LTBP2: variants seen among roughly 807,000 people sequenced by gnomAD.
LTBP2 encodes the protein latent-transforming growth factor beta-binding protein 2.
LTBP2 carries 103 observed loss-of-function variants against 210.6 expected under a neutral mutation model. The observed-to-expected ratio is 0.49, with a 90% confidence interval of 0.42 to 0.58. The LOEUF is 0.58. Ranked by LOEUF, LTBP2 falls within the 20% of genes least tolerant of loss-of-function variation. The probability of loss-of-function intolerance (pLI) is 0.00; values close to 1 mark genes in which losing one functional copy is unlikely to be tolerated. For synonymous variants in LTBP2, 1,007 were observed against 1,015.0 expected (o/e 0.99, Z 0.15); for missense variants, 2,313 against 2,494.5 (o/e 0.93, Z 1.55).
At chr14:74,575,441 C>A (rs948695969) in intron 3 of LTBP2, among the ~76,000 whole-genome samples, 1 of 152,248 alleles carries the variant, frequency 6.6e-6, no homozygotes, top group African/African-American at 2.4e-5. Context: ...CTAGTATCAC[C>A]ACATACAGCT....
At chr14:74,506,875 G>A (rs1241592622) in intron 26 of LTBP2, 52 bp from the exon 27 acceptor site, 3 of 1,156,268 alleles carry the variant, frequency 2.6e-6, no homozygotes, top group Non-Finnish European at 3.5e-6. Flanking sequence ...GTGTGTGTGT[G>A]TGTGCGCGCG....
At position 74,504,031 on chromosome 14, in the gene LTBP2, C is replaced by T. The variant is rs755315066; in HGVS notation, c.4477G>A (p.Gly1493Arg). 7.4e-6 allele frequency: 12 copies of T among 1,613,998 alleles called. No homozygotes were observed. Among genetic ancestry groups the T allele is most frequent in the South Asian group, 1.1e-5 (1 of 91,076 alleles). Residue 1493 changes from glycine (G) to arginine (R), a missense_variant, in exon 31 of 36, where the codon GGG (glycine) becomes AGG (arginine). Gly to Arg is a moderately radical substitution (Grantham distance 125). Transcript: ENST00000261978. The part of the protein sequence containing the change: ...YTDADECVIF[G>R]PGLCPNGRCL... ...CGGCCGTTCGGGCAGAGACCAGGCC[C>T]GAATATCACACACTCATCCGCATCT...
chr14:74,558,251 C>T (rs1162932581), intron 3 of LTBP2, among the ~76,000 whole-genome samples: 3 of 152,118 alleles, frequency 2.0e-5, no homozygotes, highest in South Asian at 2.1e-4. Context: ...AAAAATTAGC[C>T]GGGCTTGGTG....
At chr14:74,512,764 T>A (rs2087088272) in intron 18 of LTBP2, among the ~76,000 whole-genome samples, 1 of 152,206 alleles carries the variant, frequency 6.6e-6, no homozygotes, top group South Asian at 2.1e-4. Flanking sequence ...ATAAGGCGCA[T>A]CTCTGGCAAG....
intron 3 of LTBP2, among the ~76,000 whole-genome samples, chr14:74,569,479 C>T (rs1028257238): frequency 3.9e-5 from 6 of 152,136 alleles, no homozygotes; most frequent in Non-Finnish European, 7.3e-5. Context: ...TGTGTACAGA[C>T]GTGCTGCTGG....
intron 3 of LTBP2, among the ~76,000 whole-genome samples, chr14:74,584,461 C>G (rs1360943019): frequency 6.6e-6 from 1 of 152,186 alleles, no homozygotes; most frequent in Non-Finnish European, 1.5e-5. Context: ...GGCCCTTGAA[C>G]TGGCACCTCT....
At chr14:74,576,339 G>C (rs1377671667) in intron 3 of LTBP2, among the ~76,000 whole-genome samples, 1 of 152,142 alleles carries the variant, frequency 6.6e-6, no homozygotes, top group African/African-American at 2.4e-5. Context: ...GCTATATCCT[G>C]GGCACCATTC....
chr14:74,533,983 C>T (rs1166407552), intron 9 of LTBP2, among the ~76,000 whole-genome samples: 4 of 151,920 alleles, frequency 2.6e-5, no homozygotes, highest in Non-Finnish European at 2.9e-5. Context: ...GGTCACCCAC[C>T]GGTTTGGGGA....
In LTBP2 at chr14:74,510,169, A is replaced by G. The variant is rs777966075; in HGVS notation, c.3073T>C (p.Cys1025Arg). The change falls in exon 20 of 36, where the codon TGC becomes CGC. Residue 1025 changes from cysteine to arginine, a missense_variant. This residue lies in a region of LTBP2 where 1,867 missense variants were observed against 1,976.9 expected (regional missense o/e 0.94). Transcript: ENST00000261978. The part of the protein sequence containing the change: ...LTPGVCAHGK[C>R]TNLEGSFRCS... ...CTGAAGGAGCCTTCTAGGTTGGTGC[A>G]CTTTCCATGGGCACAGACCCCGGGA... 1 of 1,614,050 alleles carries G rather than the reference A, an allele frequency of 6.2e-7. No individual in the cohort carries two copies. The highest frequency in any genetic ancestry group is 8.5e-7 in the Non-Finnish European group (1 of 1,180,014).
In LTBP2 at chr14:74,508,362, G is replaced by A. The variant is rs563205336; in HGVS notation, c.3652+242C>T. 1.4e-4 allele frequency among the ~76,000 whole-genome samples: 21 copies of A among 152,240 alleles called. No individual in the cohort carries two copies. The South Asian group carries it at 4.1e-3, about 30-fold the overall frequency. On this transcript the variant is annotated intron_variant, in intron 24 of 35. Coordinates refer to ENST00000261978, the MANE Select transcript of LTBP2 (RefSeq NM_000428.3). ...TGGGTGCATGCCTGCTGTCAACGTC[G>A]TGAAGAGGCCCTGGTGAGAGACTGA...
intron 8 of LTBP2, among the ~76,000 whole-genome samples, chr14:74,540,838 T>TATATA (rs376025514): frequency 1.7e-3 from 25 of 15,130 alleles, no homozygotes; most frequent in African/African-American, 2.7e-3. Context: ...ATAATATATA[T>TATATA]TTATATATAT....
intron 2 of LTBP2, among the ~76,000 whole-genome samples, chr14:74,594,800 C>G (rs2088335029): frequency 6.6e-6 from 1 of 152,224 alleles, no homozygotes; most frequent in African/African-American, 2.4e-5. Context: ...GGCTCACACC[C>G]ACACTCGGAA....
rs755508411 is a variant in LTBP2, at chr14:74,502,807, A to G, written c.5016T>C (p.Asp1672=). The stretch of plus-strand genomic sequence containing the variant: ...CCAGGTAGTTGTAGAAGGGGGCCCC[A>G]TCTGGGCCATAGATGCTGTAGTGCA... ...DDLHYSIYGP[D]GAPFYNYLGP... The change falls in exon 34 of 36, where the codon GAT becomes GAC. Residue 1672 remains aspartate, a synonymous_variant. Transcript: ENST00000261978. 3 of 1,614,052 alleles carry G rather than the reference A, an allele frequency of 1.9e-6. No individual in the cohort carries two copies. The highest frequency in any genetic ancestry group is 2.7e-5 in the African/African-American group (2 of 74,932).
At chr14:74,597,844 A>C (rs928894623) in intron 2 of LTBP2, among the ~76,000 whole-genome samples, 1 of 152,140 alleles carries the variant, frequency 6.6e-6, no homozygotes, top group African/African-American at 2.4e-5. Flanking sequence ...TCATCCGGAG[A>C]TGAGACTTTC....
chr14:74,548,156 G>A (rs1306294367), intron 8 of LTBP2, among the ~76,000 whole-genome samples: 2 of 151,444 alleles, frequency 1.3e-5, no homozygotes, highest in East Asian at 3.9e-4. Flanking sequence ...TGCAAGTTGT[G>A]CACTGCACAA....
intron 33 of LTBP2, 44 bp downstream of exon 33, chr14:74,503,175 G>T (rs754454325): frequency 1.9e-6 from 3 of 1,608,370 alleles, no homozygotes; most frequent in African/African-American, 2.7e-5. Flanking sequence ...CCCTCCCTGG[G>T]GCCTGGCCCA....
At position 74,551,210 on chromosome 14, in the gene LTBP2, A is replaced by G. The variant is rs536822885; in HGVS notation, c.1540T>C (p.Trp514Arg). The G allele has an allele frequency of 1.2e-6, 2 of 1,613,468 alleles. No individual in the cohort carries two copies. Among genetic ancestry groups the G allele is most frequent in the African/African-American group, 2.7e-5 (2 of 75,034 alleles). Residue 514 changes from tryptophan (W) to arginine (R), a missense_variant, in exon 7 of 36, where the codon TGG becomes CGG. Trp to Arg is a moderately radical substitution (Grantham distance 101). Transcript: ENST00000261978. ...ENSVETRPPP[W>R]LPASPGHSLW... ...CTGTGGCCAGGGCTGGCAGGCAGCC[A>G]GGGCGGGGGTCTGGTCTCCACGCTG...
At chr14:74,541,739 A>G (rs2087511101) in intron 8 of LTBP2, among the ~76,000 whole-genome samples, 4 of 152,086 alleles carry the variant, frequency 2.6e-5, no homozygotes, top group Admixed American at 2.6e-4. Context: ...CTGTTTTTAA[A>G]TGAGGGGTCA....
chr14:74,506,091 C>T lies in LTBP2; in HGVS notation c.4134G>A (p.Glu1378=). 3 of 1,614,220 alleles carry T rather than the reference C, an allele frequency of 1.9e-6. No homozygotes were observed. The Middle Eastern group carries it at 4.9e-4, about 266-fold the overall frequency. ...FLCLCASDLE[E]YDAQEGHCRP... is the part of the protein sequence containing the mutation. ...GGCAGTGCCCCTCCTGGGCATCGTA[C>T]TCCTCCAGGTCACTGGCACAGAGGC... is the stretch of plus-strand genomic sequence containing the variant. Residue 1378 remains glutamate (E), a synonymous_variant, in exon 28 of 36, where the codon GAG becomes GAA. Coordinates refer to ENST00000261978, the MANE Select transcript of LTBP2 (RefSeq NM_000428.3).
Sources: gnomAD v4.1 joint callset for allele counts (sites outside exome capture counted in the v4.1 genomes callset) on GRCh38, gnomAD v4.1.1 for gene constraint, gnomAD v4.1.1 regional missense constraint, MANE v1.5 for transcripts, NCBI Gene and HGNC (gene_info 2026-07-23, HGNC 2026-07-21) for gene names.